SYCP1: variants seen among roughly 807,000 people sequenced by gnomAD.
SYCP1 encodes the protein synaptonemal complex protein 1, also known as cancer/testis antigen 8.
SYCP1 carries 64 observed loss-of-function variants against 153.1 expected under a neutral mutation model. The ratio of observed to expected loss-of-function variants is 0.42; its 90% confidence interval spans 0.34 to 0.51. SYCP1 has a LOEUF of 0.51. Ranked by LOEUF, SYCP1 falls within the 20% of genes least tolerant of loss-of-function variation. The pLI is 0.06. For missense variants in SYCP1, 997 were observed against 1,049.0 expected, an observed-to-expected ratio of 0.95 and a Z score of 0.68; for synonymous variants, 384 against 341.8, an observed-to-expected ratio of 1.12 and a Z score of -1.36.
chr1:114,858,805 C>A, intron 6 of SYCP1, 94 bp downstream of exon 6: 1 of 1,109,318 alleles, frequency 9.0e-7, no homozygotes, highest in Middle Eastern at 3.1e-4. Context: ...TTGGATTGAT[C>A]TTGTTTTTGT....
intron 8 of SYCP1, among the ~76,000 whole-genome samples, chr1:114,869,757 A>G (rs949958120): frequency 6.6e-6 from 1 of 152,228 alleles, no homozygotes; most frequent in Non-Finnish European, 1.5e-5. Context: ...GAAATCTGAT[A>G]TATTAATTGT....
intron 8 of SYCP1, chr1:114,863,238 T>C (rs909739565): frequency 6.6e-6 from 1 of 152,058 alleles, no homozygotes; most frequent in Non-Finnish European, 1.5e-5. Flanking sequence ...GTTGAACTAA[T>C]TTACACTCCC....
chr1:114,915,037 A>C (rs1668427297), intron 20 of SYCP1, among the ~76,000 whole-genome samples: 2 of 151,956 alleles, frequency 1.3e-5, no homozygotes, highest in Admixed American at 1.3e-4. Flanking sequence ...TTATGCTAAC[A>C]GCTGTGTGTA....
chr1:114,902,269 T>C (rs540860341), intron 16 of SYCP1, among the ~76,000 whole-genome samples: 3 of 152,210 alleles, frequency 2.0e-5, no homozygotes, highest in Admixed American at 1.3e-4. Context: ...AAAAAAGGCT[T>C]AGAAGCGAAA....
chr1:114,879,547 G>T (rs1171284854), intron 12 of SYCP1, among the ~76,000 whole-genome samples: 2 of 152,178 alleles, frequency 1.3e-5, no homozygotes, highest in African/African-American at 4.8e-5. Context: ...TTTGTCCCCT[G>T]TGACTAGGAG....
At chr1:114,926,665 A>G (rs1669274818) in intron 23 of SYCP1, 102 bp downstream of exon 23, 8 of 964,254 alleles carry the variant, frequency 8.3e-6, no homozygotes, top group Non-Finnish European at 1.0e-5. Context: ...AATTTATACC[A>G]TAACAGTATC....
At chr1:114,950,467 GA>G (rs1316106569) in intron 27 of SYCP1, among the ~76,000 whole-genome samples, 1 of 151,798 alleles carries the variant, frequency 6.6e-6, no homozygotes, top group Non-Finnish European at 1.5e-5. Context: ...TATTAATACA[GA>G]AAAATACAAA....
intron 21 of SYCP1, 154 bp downstream of exon 21, chr1:114,923,684 G>A (rs1341996858): frequency 1.4e-6 from 1 of 716,716 alleles, no homozygotes; most frequent in Non-Finnish European, 2.0e-6. Context: ...ATCTAGGAAA[G>A]GTTGGATTAT....
At chr1:114,904,834 T>C (rs770436112) in intron 16 of SYCP1, among the ~76,000 whole-genome samples, 3 of 152,228 alleles carry the variant, frequency 2.0e-5, no homozygotes, top group Non-Finnish European at 4.4e-5. Context: ...ATGATGTTAC[T>C]TGCAGGTTTT....
chr1:114,857,210 C>T (rs1664054914), intron 3 of SYCP1, 22 bp from the exon 4 acceptor site: 2 of 1,539,306 alleles, frequency 1.3e-6, no homozygotes, highest in Non-Finnish European at 1.8e-6. Flanking sequence ...GTATTTAATA[C>T]CTGTTGTCTT....
chr1:114,854,241 T>C (rs975542614), upstream of SYCP1, among the ~76,000 whole-genome samples: 1 of 152,104 alleles, frequency 6.6e-6, no homozygotes, highest in African/African-American at 2.4e-5. Flanking sequence ...TCTCCAAGAC[T>C]CAAGTGATCT....
chr1:114,964,336 T>A (rs1374418248), intron 27 of SYCP1, among the ~76,000 whole-genome samples: 1 of 152,242 alleles, frequency 6.6e-6, no homozygotes. Context: ...CTGTTCACTC[T>A]GATGATAGTT....
intron 16 of SYCP1, among the ~76,000 whole-genome samples, chr1:114,901,552 G>C (rs548290566): frequency 6.6e-6 from 1 of 152,312 alleles, no homozygotes; most frequent in South Asian, 2.1e-4. Context: ...CATTCGCTAA[G>C]CTAGGATTGA....
chr1:114,983,639 A>G (rs1673312632), intron 29 of SYCP1, among the ~76,000 whole-genome samples: 1 of 152,042 alleles, frequency 6.6e-6, no homozygotes, highest in Non-Finnish European at 1.5e-5. Context: ...TAAGGATAAC[A>G]TAGAGCTAGA....
chr1:114,988,730 C>T (rs936210744), intron 30 of SYCP1, among the ~76,000 whole-genome samples: 4 of 151,898 alleles, frequency 2.6e-5, no homozygotes, highest in South Asian at 2.1e-4. Flanking sequence ...CTCTGGTAAA[C>T]GTAAATACAT....
At chr1:114,968,461 G>T (rs772312729) in intron 27 of SYCP1, among the ~76,000 whole-genome samples, 3 of 152,062 alleles carry the variant, frequency 2.0e-5, no homozygotes, top group Non-Finnish European at 4.4e-5. Flanking sequence ...TCTTCCTCTT[G>T]GTTGATTCAG....
At chr1:114,908,267 C>T (rs1667949325) in intron 16 of SYCP1, among the ~76,000 whole-genome samples, 1 of 149,646 alleles carries the variant, frequency 6.7e-6, no homozygotes, top group Non-Finnish European at 1.5e-5. Flanking sequence ...TGTCTTTGAT[C>T]CTCCATGTTT....
At chr1:114,893,560 T>G (rs1208601673) in intron 15 of SYCP1, among the ~76,000 whole-genome samples, 2 of 152,244 alleles carry the variant, frequency 1.3e-5, no homozygotes, top group Non-Finnish European at 2.9e-5. Context: ...GTCAAATATC[T>G]GTTTCTGTTC....
chr1:114,861,284 T>C (rs1398339790), intron 8 of SYCP1, among the ~76,000 whole-genome samples: 1 of 152,198 alleles, frequency 6.6e-6, no homozygotes, highest in African/African-American at 2.4e-5. Context: ...GTGTTGTGTA[T>C]GTGAAAGAAC....
Sources: allele counts gnomAD v4.1 joint callset (sites outside exome capture counted in the v4.1 genomes callset), GRCh38; gene constraint gnomAD v4.1.1; transcripts MANE v1.5; gene names NCBI Gene and HGNC (gene_info 2026-07-23, HGNC 2026-07-21).